Variants in ZNF469 observed in about 807,000 individuals in gnomAD.
ZNF469 encodes zinc finger protein 469.
In ZNF469, 1 loss-of-function variant was observed where a neutral mutation model predicts 1.0. The observed-to-expected ratio is 1.00, with a 90% CI of 0.35 to 4.73. ZNF469 has a LOEUF of 4.73. Among genes scored for constraint, ZNF469 ranks in the 30% most tolerant of loss-of-function variants. The probability of loss-of-function intolerance (pLI) is 0.16; values close to 1 mark genes in which losing one functional copy is unlikely to be tolerated. For synonymous variants in ZNF469, 2,703 were observed against 2,363.4 expected (o/e 1.14, Z -4.17); for missense variants, 6,100 against 5,356.3 (o/e 1.14, Z -4.33).
chr16:88,301,741 TC>T, the ZNF469 span, among the ~76,000 whole-genome samples: 1 of 152,214 alleles, frequency 6.6e-6, no homozygotes, highest in Admixed American at 6.5e-5. Flanking sequence ...AGCTCTCTTG[TC>T]CCTTCTGTCT....
chr16:88,255,839 A>G, the ZNF469 span, among the ~76,000 whole-genome samples: 3 of 152,150 alleles, frequency 2.0e-5, no homozygotes, highest in Non-Finnish European at 4.4e-5. Context: ...AGTTTATTAC[A>G]GGGTTGGAAT....
At chr16:88,121,251 G>C in the ZNF469 span, among the ~76,000 whole-genome samples, 1 of 150,360 alleles carries the variant, frequency 6.7e-6, no homozygotes, top group African/African-American at 2.4e-5. Context: ...GGGTGGGGGC[G>C]CTGTACTTGG....
In ZNF469 at chr16:88,437,918, C is replaced by T. The variant is rs911716971; in HGVS notation, c.10448C>T (p.Ala3483Val). 2 of 1,540,254 alleles carry T rather than the reference C, an allele frequency of 1.3e-6. No homozygotes were observed. The highest frequency in any genetic ancestry group is 2.7e-5 in the African/African-American group (2 of 72,846). The change falls in exon 3 of 3, where the codon GCC becomes GTC. Residue 3483 changes from alanine (A) to valine (V), a missense_variant. Physicochemically the swap from Ala to Val is moderately conservative, Grantham distance 64. Transcript: ENST00000565624. ...KRRRVAMPGS[A>V]PGPGEDRPPP... Reference sequence around the variant, plus strand: ...CGCAGGGTGGCCATGCCCGGCAGTGCCCCTGGGCCCGGCGAGGACAGGCCT... The same window carrying T: ...CGCAGGGTGGCCATGCCCGGCAGTGTCCCTGGGCCCGGCGAGGACAGGCCT...
the ZNF469 span, among the ~76,000 whole-genome samples, chr16:88,305,538 G>A: frequency 9.3e-6 from 1 of 107,462 alleles, no homozygotes; most frequent in Non-Finnish European, 1.9e-5. Flanking sequence ...ACGCTCACAG[G>A]CACACATGTG....
chr16:88,414,239 C>T (rs1454790186), intron 1 of ZNF469, among the ~76,000 whole-genome samples: 5 of 152,216 alleles, frequency 3.3e-5, no homozygotes, highest in African/African-American at 4.8e-5. Flanking sequence ...CTGCAGGCCA[C>T]GGGCCTCCAG....
the ZNF469 span, among the ~76,000 whole-genome samples, chr16:88,295,100 C>T: frequency 9.2e-5 from 8 of 86,936 alleles, no homozygotes; most frequent in African/African-American, 2.3e-4. Context: ...GCCCCCAGGA[C>T]GTGGCAGGGC....
intron 1 of ZNF469, among the ~76,000 whole-genome samples, chr16:88,412,103 G>A (rs1470302199): frequency 6.6e-6 from 1 of 152,206 alleles, no homozygotes; most frequent in Non-Finnish European, 1.5e-5. Context: ...GAGGCAGTTG[G>A]GGAGGCAGGG....
At chr16:88,279,297 G>A in the ZNF469 span, among the ~76,000 whole-genome samples, 3 of 151,320 alleles carry the variant, frequency 2.0e-5, no homozygotes, top group African/African-American at 4.9e-5. Context: ...CACAGTTAGT[G>A]CTGTGCCATG....
the ZNF469 span, among the ~76,000 whole-genome samples, chr16:88,237,398 G>C: frequency 0.012 from 4 of 346 alleles, 1 homozygote; most frequent in Non-Finnish European, 1. Flanking sequence ...GCTCCTGCCA[G>C]TCACCCTCCC....
At position 88,431,674 on chromosome 16, in the gene ZNF469, C is replaced by T; in HGVS notation, c.4204C>T (p.Pro1402Ser). ...TTTCCTGGAAGAACTGCACCCCAAG[C>T]CCTCAGCCAGGGATGCCCCGCCGGC... ...GCFLEELHPKPSARDAPPASS... is the reference protein window; with the variant it reads ...GCFLEELHPKSSARDAPPASS... Residue 1402 changes from proline to serine, a missense_variant, in exon 3 of 3, where the codon CCC becomes TCC. By Grantham distance (74) the Pro-to-Ser change is moderately conservative (BLOSUM62 -1). Coordinates refer to ENST00000565624, the MANE Select transcript of ZNF469 (RefSeq NM_001367624.2). The T allele has an allele frequency of 4.5e-6, 7 of 1,550,452 alleles. 1 individual carries two copies. The highest frequency in any genetic ancestry group is 6.1e-6 in the Non-Finnish European group (7 of 1,146,982).
chr16:88,302,222 C>T, the ZNF469 span, among the ~76,000 whole-genome samples: 2,159 of 152,344 alleles, frequency 0.014, 32 homozygotes, highest in Middle Eastern at 0.031. Flanking sequence ...CCGTCTGACC[C>T]GCTGTTCCCG....
the ZNF469 span, among the ~76,000 whole-genome samples, chr16:88,307,468 G>A: frequency 1.3e-5 from 2 of 152,306 alleles, no homozygotes; most frequent in African/African-American, 4.8e-5. Context: ...CGGGCAGTGT[G>A]GGAGGGTTTC....
chr16:88,225,554 G>A, the ZNF469 span, among the ~76,000 whole-genome samples: 4 of 152,064 alleles, frequency 2.6e-5, no homozygotes. Context: ...GGGGGTGAAG[G>A]AGGAGCCGCC....
the ZNF469 span, among the ~76,000 whole-genome samples, chr16:88,167,253 G>C: frequency 6.6e-6 from 1 of 151,816 alleles, no homozygotes; most frequent in East Asian, 1.9e-4. Context: ...GTAGAGATGG[G>C]GTTTCACCAT....
At chr16:88,301,322 T>C in the ZNF469 span, among the ~76,000 whole-genome samples, 1 of 152,026 alleles carries the variant, frequency 6.6e-6, no homozygotes, top group Non-Finnish European at 1.5e-5. Context: ...GCCTGGCTAA[T>C]TTTTTGTATT....
intron 1 of ZNF469, among the ~76,000 whole-genome samples, chr16:88,404,794 G>A (rs149413324): frequency 4.6e-5 from 7 of 152,292 alleles, no homozygotes; most frequent in Non-Finnish European, 8.8e-5. Flanking sequence ...AGCCAGTGCA[G>A]ACGCACAGCA....
At chr16:88,184,851 C>T in the ZNF469 span, among the ~76,000 whole-genome samples, 1 of 152,346 alleles carries the variant, frequency 6.6e-6, no homozygotes, top group Admixed American at 6.5e-5. Context: ...CTGGCTTGTG[C>T]GGGGACACGT....
chr16:88,422,563 G>A, intron 1 of ZNF469, among the ~76,000 whole-genome samples: 1 of 148,662 alleles, frequency 6.7e-6, no homozygotes, highest in African/African-American at 2.5e-5. Flanking sequence ...ATGGGCGGGT[G>A]GATGGATGAA....
chr16:88,438,220 C>A lies in ZNF469; in HGVS notation c.10750C>A (p.Pro3584Thr). Residue 3584 changes from proline (P) to threonine (T), a missense_variant, in exon 3 of 3, where the codon CCA (proline) becomes ACA (threonine). By Grantham distance (38) the Pro-to-Thr change is conservative. Transcript: ENST00000565624. ...GGAGAGGCCAGAGAACGAGGCTTCC[C>A]CAGGCAGCCCCGGGCCTCTTCTCCA... ...ALERPENEAS[P>T]GSPGPLLQQA... 2 of 1,546,908 alleles carry A rather than the reference C, an allele frequency of 1.3e-6. No homozygotes were observed. Among genetic ancestry groups the A allele is most frequent in the Non-Finnish European group, 1.7e-6 (2 of 1,144,566 alleles).
Sources: gnomAD v4.1 joint callset for allele counts (sites outside exome capture counted in the v4.1 genomes callset) on GRCh38, gnomAD v4.1.1 for gene constraint, MANE v1.5 for transcripts, NCBI Gene and HGNC (gene_info 2026-07-23, HGNC 2026-07-21) for gene names.